Variants in CADM2 observed in about 807,000 individuals in gnomAD.
CADM2 encodes the protein immunoglobulin superfamily member 4D.
Under a neutral mutation model 49.8 loss-of-function variants are expected in CADM2, and 12 were observed. The observed-to-expected ratio is 0.24, with a 90% CI of 0.15 to 0.39. CADM2 has a LOEUF of 0.39. Ranked by LOEUF, CADM2 falls within the 10% of genes least tolerant of loss-of-function variation. The pLI is 1.00. For missense variants in CADM2, 378 were observed against 492.3 expected, an observed-to-expected ratio of 0.77 and a Z score of 2.20; for synonymous variants, 214 against 175.4, an observed-to-expected ratio of 1.22 and a Z score of -1.74.
intron 1 of CADM2, among the ~76,000 whole-genome samples, chr3:85,459,556 A>G (rs2038145608): frequency 6.6e-6 from 1 of 152,240 alleles, no homozygotes; most frequent in African/African-American, 2.4e-5. Context: ...ATTCTTATTA[A>G]TATCAAATTA....
At chr3:85,821,213 G>T (rs1003986) in intron 3 of CADM2, among the ~76,000 whole-genome samples, 35,331 of 151,970 alleles carry the variant, frequency 0.23, 4,985 homozygotes, top group African/African-American at 0.38. Context: ...CAGAATCCCA[G>T]ATAGCAAGAC....
At chr3:85,355,197 G>A (rs1052175872) in intron 1 of CADM2, among the ~76,000 whole-genome samples, 17 of 152,070 alleles carry the variant, frequency 1.1e-4, no homozygotes, top group Non-Finnish European at 2.1e-4. Flanking sequence ...CTGCAAAGAG[G>A]GAAGGGGAGT....
intron 1 of CADM2, among the ~76,000 whole-genome samples, chr3:85,628,407 CT>C (rs1439311641): frequency 6.6e-6 from 1 of 151,446 alleles, no homozygotes; most frequent in Non-Finnish European, 1.5e-5. Flanking sequence ...ATCTCAGCAT[CT>C]TAACTCCTAA....
At chr3:85,861,940 A>T (rs2075552592) in intron 3 of CADM2, among the ~76,000 whole-genome samples, 1 of 152,114 alleles carries the variant, frequency 6.6e-6, no homozygotes, top group Admixed American at 6.6e-5. Context: ...ACATGTATTC[A>T]CCTTCATCAC....
At chr3:85,092,331 T>A (rs535134747) in intron 1 of CADM2, among the ~76,000 whole-genome samples, 2 of 152,176 alleles carry the variant, frequency 1.3e-5, no homozygotes, top group Non-Finnish European at 2.9e-5. Context: ...AATAGCAGAC[T>A]TATATAATTC....
chr3:84,997,873 A>T (rs2033260265), intron 1 of CADM2, among the ~76,000 whole-genome samples: 1 of 152,134 alleles, frequency 6.6e-6, no homozygotes. Context: ...AATATAAGAA[A>T]GCTATTGCTG....
chr3:85,556,705 A>G (rs536649643), intron 1 of CADM2, among the ~76,000 whole-genome samples: 1 of 152,144 alleles, frequency 6.6e-6, no homozygotes, highest in Admixed American at 6.5e-5. Context: ...AAATAACTTT[A>G]TATTCTCTCA....
At chr3:85,788,765 A>C (rs921184713) in intron 2 of CADM2, among the ~76,000 whole-genome samples, 3 of 151,970 alleles carry the variant, frequency 2.0e-5, no homozygotes, top group African/African-American at 7.2e-5. Flanking sequence ...CTTTCCTTAT[A>C]ATCTTTATCG....
chr3:85,193,434 CAAT>C (rs956832333), intron 1 of CADM2, among the ~76,000 whole-genome samples: 33 of 152,136 alleles, frequency 2.2e-4, no homozygotes, highest in African/African-American at 7.2e-4. Flanking sequence ...TAATTTTCAA[CAAT>C]GAGTTTATAA....
chr3:85,136,201 G>A lies in CADM2; in HGVS notation c.61+176533G>A, dbSNP rs112492044. Among the ~76,000 whole-genome samples, 1,213 of 151,982 alleles carry A rather than the reference G, an allele frequency of 8.0e-3. 18 individuals are homozygous for A. Among genetic ancestry groups the A allele is most frequent in the African/African-American group, 0.028 (1,158 of 41,514 alleles). On this transcript the variant is annotated intron_variant, in intron 1 of 9. Coordinates refer to ENST00000383699, the MANE Select transcript of CADM2 (RefSeq NM_001167675.2). ...GTAGCTTCATTTTGAGGAAATTGGAGTTCTAAAGGAAGAATAAAATAAATA... is the reference window on the plus strand; with the variant it reads ...GTAGCTTCATTTTGAGGAAATTGGAATTCTAAAGGAAGAATAAAATAAATA...
chr3:85,817,886 G>A (rs1271077933), intron 3 of CADM2, among the ~76,000 whole-genome samples: 2 of 151,968 alleles, frequency 1.3e-5, no homozygotes, highest in Non-Finnish European at 1.5e-5. Context: ...CTCATGTCTC[G>A]GTGTGTAGGC....
chr3:85,650,098 T>C (rs1465230393), intron 1 of CADM2, among the ~76,000 whole-genome samples: 1 of 152,152 alleles, frequency 6.6e-6, no homozygotes, highest in Non-Finnish European at 1.5e-5. Flanking sequence ...ACATATTTTA[T>C]CTCCAAAAAT....
intron 1 of CADM2, among the ~76,000 whole-genome samples, chr3:85,376,881 A>T (rs756630913): frequency 3.3e-5 from 5 of 152,126 alleles, no homozygotes; most frequent in Non-Finnish European, 5.9e-5. Context: ...GTTTTCAATG[A>T]ACTAAAATAA....
At chr3:86,043,037 T>C (rs1039556476) in intron 8 of CADM2, among the ~76,000 whole-genome samples, 1 of 152,180 alleles carries the variant, frequency 6.6e-6, no homozygotes, top group Non-Finnish European at 1.5e-5. Flanking sequence ...CAGCCCTTCA[T>C]GCTAAAAACT....
intron 5 of CADM2, among the ~76,000 whole-genome samples, chr3:85,910,006 A>C (rs556287959): frequency 1.3e-5 from 2 of 152,318 alleles, no homozygotes; most frequent in South Asian, 4.1e-4. Context: ...ATAAGCCGAT[A>C]TTAAAATCAA....
intron 1 of CADM2, among the ~76,000 whole-genome samples, chr3:85,449,741 A>C (rs940851752): frequency 1.3e-5 from 2 of 152,204 alleles, no homozygotes; most frequent in South Asian, 4.1e-4. Context: ...AGAATATTAC[A>C]GGGTTAAGGA....
At chr3:85,804,202 CTA>C (rs2072253753) in intron 3 of CADM2, among the ~76,000 whole-genome samples, 1 of 151,926 alleles carries the variant, frequency 6.6e-6, no homozygotes, top group African/African-American at 2.4e-5. Context: ...TTGCTTGAAA[CTA>C]TGATGCAAAA....
chr3:85,200,129 G>A (rs767077581), intron 1 of CADM2, among the ~76,000 whole-genome samples: 33 of 151,978 alleles, frequency 2.2e-4, no homozygotes, highest in Non-Finnish European at 4.4e-4. Flanking sequence ...CAGTGAAAAC[G>A]TGGTTTTAAG....
chr3:85,365,090 C>T (rs888806097), intron 1 of CADM2, among the ~76,000 whole-genome samples: 4 of 145,452 alleles, frequency 2.8e-5, no homozygotes, highest in Admixed American at 7.0e-5. Context: ...TTTAAAAAGA[C>T]AAAGCTTTAA....
Sources: gnomAD v4.1 joint callset for allele counts (sites outside exome capture counted in the v4.1 genomes callset) on GRCh38, gnomAD v4.1.1 for gene constraint, MANE v1.5 for transcripts, NCBI Gene and HGNC (gene_info 2026-07-23, HGNC 2026-07-21) for gene names.